SERGEF: variants seen among roughly 807,000 people sequenced by gnomAD.
The protein encoded by SERGEF is secretion-regulating guanine nucleotide exchange factor.
In SERGEF, 51 loss-of-function variants were observed where a neutral mutation model predicts 50.0. That is an observed-to-expected ratio of 1.02 (90% CI 0.81 to 1.29). The LOEUF is 1.29. Among genes scored for constraint, SERGEF ranks in the 50% most tolerant of loss-of-function variants. SERGEF has a pLI of 0.00. For missense variants in SERGEF, 521 were observed against 557.0 expected (o/e 0.94, Z 0.65); for synonymous variants, 205 against 212.4 (o/e 0.97, Z 0.30).
At chr11:17,980,100 C>T (rs1445692493) in intron 8 of SERGEF, among the ~76,000 whole-genome samples, 2 of 152,196 alleles carry the variant, frequency 1.3e-5, no homozygotes, top group Non-Finnish European at 2.9e-5. Context: ...AGAAAGAGGC[C>T]AGGCTCAAGA....
At chr11:17,929,588 C>T (rs1407476260) in intron 9 of SERGEF, among the ~76,000 whole-genome samples, 1 of 152,176 alleles carries the variant, frequency 6.6e-6, no homozygotes, top group Non-Finnish European at 1.5e-5. Context: ...TTGTTTTAGC[C>T]ATTCATGCAT....
chr11:17,954,316 A>C (rs1852823247), intron 9 of SERGEF, among the ~76,000 whole-genome samples: 1 of 152,202 alleles, frequency 6.6e-6, no homozygotes, highest in Admixed American at 6.5e-5. Context: ...ATAGGAAAGG[A>C]GGAAGGTCAT....
chr11:17,970,228 T>C (rs546959215), intron 8 of SERGEF, among the ~76,000 whole-genome samples: 1 of 152,342 alleles, frequency 6.6e-6, no homozygotes, highest in East Asian at 1.9e-4. Context: ...ATTTTGGTAA[T>C]TTTTGCAATA....
chr11:17,796,318 T>C (rs1306249400), intron 10 of SERGEF, among the ~76,000 whole-genome samples: 1 of 152,176 alleles, frequency 6.6e-6, no homozygotes, highest in East Asian at 1.9e-4. Context: ...ACAGGCACTG[T>C]CAGTGTTGGG....
intron 10 of SERGEF, among the ~76,000 whole-genome samples, chr11:17,850,035 C>G (rs1005292672): frequency 6.6e-6 from 1 of 152,032 alleles, no homozygotes; most frequent in African/African-American, 2.4e-5. Flanking sequence ...CTGGAAAGTC[C>G]AAGAGCATGG....
intron 10 of SERGEF, among the ~76,000 whole-genome samples, chr11:17,854,269 G>A (rs1169581164): frequency 1.3e-5 from 2 of 152,138 alleles, no homozygotes; most frequent in Non-Finnish European, 2.9e-5. Context: ...CTTCTCTACA[G>A]AGCTGAAAGT....
At chr11:18,000,403 C>CGA (rs1853935708) in intron 5 of SERGEF, 94 bp downstream of exon 5, 7 of 795,134 alleles carry the variant, frequency 8.8e-6, no homozygotes. Flanking sequence ...AAGCTATGAT[C>CGA]GAGCCACTGC....
At chr11:17,796,114 C>A (rs1282481081) in intron 10 of SERGEF, among the ~76,000 whole-genome samples, 2 of 152,102 alleles carry the variant, frequency 1.3e-5, no homozygotes, top group South Asian at 2.1e-4. Flanking sequence ...GGAAGGGTGA[C>A]CCTCATTTTC....
intron 5 of SERGEF, among the ~76,000 whole-genome samples, chr11:17,998,089 G>A (rs1853874969): frequency 6.6e-6 from 1 of 151,992 alleles, no homozygotes; most frequent in African/African-American, 2.4e-5. Flanking sequence ...AGAAAGACTT[G>A]TGATACATAT....
At chr11:17,958,139 C>T (rs1005354849) in intron 9 of SERGEF, among the ~76,000 whole-genome samples, 18 of 152,068 alleles carry the variant, frequency 1.2e-4, no homozygotes, top group African/African-American at 4.1e-4. Flanking sequence ...TACGAAAAGG[C>T]CCAGGAAGAC....
intron 1 of SERGEF, among the ~76,000 whole-genome samples, chr11:18,008,827 A>C (rs933796876): frequency 6.6e-6 from 1 of 151,950 alleles, no homozygotes; most frequent in Non-Finnish European, 1.5e-5. Flanking sequence ...TGAGAACACT[A>C]TCCAGCGTGT....
At chr11:17,956,336 T>C (rs553793201) in intron 9 of SERGEF, among the ~76,000 whole-genome samples, 42 of 152,336 alleles carry the variant, frequency 2.8e-4, no homozygotes, top group African/African-American at 1.0e-3. Flanking sequence ...CTATAGAGTA[T>C]GTGACCTTCT....
chr11:17,798,076 C>T (rs1453789624), intron 10 of SERGEF, among the ~76,000 whole-genome samples: 5 of 152,112 alleles, frequency 3.3e-5, no homozygotes, highest in Non-Finnish European at 1.5e-5. Context: ...ATACACGCTC[C>T]CCAGGCTGGC....
chr11:17,885,201 A>G (rs1262863787), intron 9 of SERGEF, among the ~76,000 whole-genome samples: 1 of 152,142 alleles, frequency 6.6e-6, no homozygotes, highest in African/African-American at 2.4e-5. Flanking sequence ...TGCCTTCTCA[A>G]TGGTTCTCAA....
intron 10 of SERGEF, among the ~76,000 whole-genome samples, chr11:17,811,803 T>C (rs1242243065): frequency 6.6e-6 from 1 of 152,194 alleles, no homozygotes; most frequent in Non-Finnish European, 1.5e-5. Context: ...CTGAAAAGAA[T>C]GAGGTTGAGG....
Position 17,988,633 on chromosome 11 carries a change from T to A in SERGEF, c.808A>T (p.Ile270Phe). 2 of 1,614,184 alleles carry A rather than the reference T, an allele frequency of 1.2e-6. No individual in the cohort carries two copies. The highest frequency in any genetic ancestry group is 1.1e-5 in the South Asian group (1 of 91,076). Residue 270 changes from isoleucine (I) to phenylalanine (F), a missense_variant, in exon 8 of 11, where the codon ATC becomes TTC. By Grantham distance (21) the Ile-to-Phe change is conservative. Coordinates refer to ENST00000265965, the MANE Select transcript of SERGEF (RefSeq NM_012139.4). ...HCFQNEKVTA[I>F]WSGWTHLVAQ... is the part of the protein sequence containing the mutation. ...ACCAGGTGTGTCCATCCACTCCAGA[T>A]GGCAGTGACCTTTTCATTCTGGAAA...
At chr11:17,875,626 C>T (rs111704092) in intron 10 of SERGEF, among the ~76,000 whole-genome samples, 1,524 of 152,310 alleles carry the variant, frequency 0.01, 20 homozygotes, top group African/African-American at 0.032. Flanking sequence ...GAGTCTGTTT[C>T]GTCTCTACAA....
intron 9 of SERGEF, among the ~76,000 whole-genome samples, chr11:17,904,825 A>G (rs1010697): frequency 0.06 from 9,122 of 152,230 alleles, 913 homozygotes; most frequent in African/African-American, 0.21. Flanking sequence ...GCAGTGCAAG[A>G]CAGAAACTTC....
intron 9 of SERGEF, among the ~76,000 whole-genome samples, chr11:17,928,218 C>T (rs1379645892): frequency 2.0e-5 from 3 of 152,158 alleles, no homozygotes; most frequent in Non-Finnish European, 2.9e-5. Flanking sequence ...GCATTTCTCC[C>T]GGCCTCACCT....
Sources: gnomAD v4.1 joint callset for allele counts (sites outside exome capture counted in the v4.1 genomes callset) on GRCh38, gnomAD v4.1.1 for gene constraint, MANE v1.5 for transcripts, NCBI Gene and HGNC (gene_info 2026-07-23, HGNC 2026-07-21) for gene names.